UBA3: variants seen among roughly 807,000 people sequenced by gnomAD.
UBA3 encodes NEDD8-activating enzyme E1 catalytic subunit.
UBA3 carries 26 observed loss-of-function variants against 73.5 expected under a neutral mutation model. That is an observed-to-expected ratio of 0.35 (90% CI 0.26 to 0.49). UBA3 has a LOEUF of 0.49. Among genes scored for constraint, UBA3 ranks in the 20% least tolerant of loss-of-function variants. The probability of loss-of-function intolerance (pLI) is 0.98; values close to 1 mark genes in which losing one functional copy is unlikely to be tolerated. For missense variants in UBA3, 495 were observed against 555.6 expected (o/e 0.89, Z 1.10); for synonymous variants, 217 against 191.2 (o/e 1.13, Z -1.11).
chr3:69,076,756 TTTTC>T (rs1393720048), intron 3 of UBA3, among the ~76,000 whole-genome samples: 1 of 151,590 alleles, frequency 6.6e-6, no homozygotes, highest in East Asian at 1.9e-4. Context: ...TCTTTTCTTT[TTTTC>T]TTTCTTTTTT....
intron 2 of UBA3, 184 bp downstream of exon 2, chr3:69,079,928 T>C (rs938007720): frequency 2.7e-5 from 15 of 562,178 alleles, no homozygotes; most frequent in South Asian, 2.3e-5. Context: ...ACCGGGCAGA[T>C]ACCGGGAGCG....
At position 69,061,889 on chromosome 3, in the gene UBA3, G is replaced by C. The variant is rs777559572; in HGVS notation, c.835C>G (p.Gln279Glu). The C allele has an allele frequency of 6.8e-6, 11 of 1,609,528 alleles. No individual in the cohort carries two copies. The highest frequency in any genetic ancestry group is 8.5e-7 in the Non-Finnish European group (1 of 1,178,608). The change falls in exon 11 of 18, where the codon CAA (glutamine) becomes GAA (glutamate). Residue 279 changes from glutamine (Q) to glutamate (E), a missense_variant. Physicochemically the swap from Gln to Glu is conservative, Grantham distance 29 (BLOSUM62 2). Coordinates refer to ENST00000361055, the MANE Select transcript of UBA3 (RefSeq NM_003968.4). ...PLDGDDPEHI[Q>E]WIFQKSLERA... ...TCTAGGGATTTTTGGAAAATCCATT[G>C]TATATGTTCAGGATCATCTCCATCT...
intron 4 of UBA3, among the ~76,000 whole-genome samples, chr3:69,073,793 G>A (rs1009999233): frequency 5.3e-5 from 8 of 151,924 alleles, no homozygotes; most frequent in Non-Finnish European, 1.0e-4. Context: ...CTGCCACCAC[G>A]CCCGGCTAAT....
intron 6 of UBA3, among the ~76,000 whole-genome samples, chr3:69,065,804 T>C (rs770400845): frequency 2.6e-5 from 4 of 152,166 alleles, no homozygotes; most frequent in Non-Finnish European, 4.4e-5. Context: ...ATATGACCTT[T>C]TGAGACTGGC....
rs374972997 is a variant in UBA3, at chr3:69,060,196, C to T, written c.910+1618G>A. Among the ~76,000 whole-genome samples the T allele has an allele frequency of 4.6e-5, 7 of 151,702 alleles. No homozygotes were observed. In the East Asian group the frequency reaches 1.4e-3, roughly 29 times the overall value. On this transcript the variant is annotated intron_variant, in intron 11 of 17. Transcript: ENST00000361055. ...AACAGGTGAAATGAAGCTAGAAACACCAGGTAAGTTGGCAGAATACATATA... is the reference window on the plus strand; with the variant it reads ...AACAGGTGAAATGAAGCTAGAAACATCAGGTAAGTTGGCAGAATACATATA...
At chr3:69,078,280 C>CT (rs141508027) in intron 2 of UBA3, among the ~76,000 whole-genome samples, 1 of 152,266 alleles carries the variant, frequency 6.6e-6, no homozygotes, top group East Asian at 1.9e-4. Context: ...CTTCCTCAAT[C>CT]TGTTGTTTCA....
intron 11 of UBA3, among the ~76,000 whole-genome samples, chr3:69,059,023 A>AT (rs1490638080): frequency 6.6e-6 from 1 of 152,248 alleles, no homozygotes; most frequent in African/African-American, 2.4e-5. Flanking sequence ...CAATTAGCAA[A>AT]TATGTGTAAC....
At position 69,080,105 on chromosome 3, in the gene UBA3, C is replaced by T; in HGVS notation, c.62+7G>A. 6.2e-7 allele frequency: 1 copy of T among 1,608,712 alleles called. No homozygotes were observed. The highest frequency in any genetic ancestry group is 8.5e-7 in the Non-Finnish European group (1 of 1,178,650). ...GGAGAGGGCCCCGGCCTCCCGGCAG[C>T]ACTAACTTCTCAGCCAGCAGCTCCT... On this transcript the variant is annotated splice_region_variant and intron_variant, in intron 2 of 17. Transcript: ENST00000361055.
chr3:69,079,816 G>C, intron 2 of UBA3: 2 of 422,522 alleles, frequency 4.7e-6, no homozygotes, highest in Non-Finnish European at 8.3e-6. Context: ...TTGGGATGGA[G>C]GAAGAGGAGT....
intron 5 of UBA3, 66 bp downstream of exon 5, chr3:69,071,469 C>A: frequency 6.1e-6 from 5 of 820,408 alleles, no homozygotes; most frequent in Non-Finnish European, 7.6e-6. Flanking sequence ...TATTAAACTG[C>A]AATGTACAAG....
At chr3:69,075,333 T>A in intron 4 of UBA3, 97 bp downstream of exon 4, 1 of 508,138 alleles carries the variant, frequency 2.0e-6, no homozygotes, top group Non-Finnish European at 3.0e-6. Flanking sequence ...AGAGAAAAGG[T>A]TAAGAATCAC....
chr3:69,077,867 C>A lies in UBA3; in HGVS notation c.114G>T (p.Trp38Cys). 1 of 1,613,990 alleles carries A rather than the reference C, an allele frequency of 6.2e-7. No individual in the cohort carries two copies. Among genetic ancestry groups the A allele is most frequent in the East Asian group, 2.2e-5 (1 of 44,858 alleles). ...CGDTGDWEGR[W>C]NHVKKFLERS... is the part of the protein sequence containing the mutation. The stretch of plus-strand genomic sequence containing the variant: ...GCTCGAGGAACTTCTTTACATGGTT[C>A]CAGCGACCTTCCCAGTCTCCAGTGT... Residue 38 changes from tryptophan to cysteine, a missense_variant, in exon 3 of 18, where the codon TGG becomes TGT. Coordinates refer to ENST00000361055, the MANE Select transcript of UBA3 (RefSeq NM_003968.4).
rs1225690426 is a variant in UBA3 at position 69,055,924 on chromosome 3, T to G, written c.1249-19A>C. The stretch of plus-strand genomic sequence containing the variant: ...TTACCGACTAGAAAACAAAATTACT[T>G]TAATGTAAGACACATTAAAGTAAAA... On this transcript the variant is annotated intron_variant, in intron 16 of 17. Transcript: ENST00000361055. 1.2e-6 allele frequency: 2 copies of G among 1,609,466 alleles called. No homozygotes were observed. The highest frequency in any genetic ancestry group is 1.7e-6 in the Non-Finnish European group (2 of 1,177,786).
rs141978953 is a variant in UBA3, at chr3:69,064,084, G to A, written c.456C>T (p.Asn152=). Reference sequence around the variant, plus strand: ...AAAACTTACGTCGATAGAAAGTGTCGTTAAAATCTTGAATCTTGTTGAAAT... The same window carrying A: ...AAAACTTACGTCGATAGAAAGTGTCATTAAAATCTTGAATCTTGTTGAAAT... ...VPHFNKIQDF[N]DTFYRQFHII... The change falls in exon 7 of 18, where the codon AAC becomes AAT. Residue 152 remains asparagine, a synonymous_variant. Transcript: ENST00000361055. 1.9e-4 allele frequency: 307 copies of A among 1,602,442 alleles called. No homozygotes were observed. The highest frequency in any genetic ancestry group is 1.2e-3 in the Middle Eastern group (7 of 6,022).
chr3:69,077,769 G>A (rs779047001), intron 3 of UBA3, 29 bp downstream of exon 3: 8 of 1,591,660 alleles, frequency 5.0e-6, no homozygotes, highest in Non-Finnish European at 6.9e-6. Context: ...AACTATTAGA[G>A]CAGTTATTTA....
At chr3:69,072,634 T>C (rs894109410) in intron 4 of UBA3, among the ~76,000 whole-genome samples, 1 of 152,242 alleles carries the variant, frequency 6.6e-6, no homozygotes, top group African/African-American at 2.4e-5. Context: ...GTTTTCTTCC[T>C]ACTTTACTGG....
chr3:69,057,632 C>T (rs895291548), intron 11 of UBA3, among the ~76,000 whole-genome samples: 11 of 152,150 alleles, frequency 7.2e-5, no homozygotes, highest in Non-Finnish European at 1.5e-5. Flanking sequence ...ATTTTCACAA[C>T]ATCTTCATGT....
At position 69,054,981 on chromosome 3, in the gene UBA3, TGA is replaced by T. The variant is rs1322735725; in HGVS notation, c.*454_*455del. The T allele has an allele frequency of 6.6e-6, 1 of 152,382 alleles. No homozygotes were observed. The highest frequency in any genetic ancestry group is 1.5e-5 in the Non-Finnish European group (1 of 68,152). 9.4% of individuals were successfully genotyped at this position (152,382 alleles called of 1,614,324 possible). ...ATTCATTTGGATGGCCACAATTAAA[TGA>T]GTGTTATATCAAGAAATAGCCTATG... On this transcript the variant is annotated 3_prime_UTR_variant, in exon 18 of 18. Coordinates refer to ENST00000361055, the MANE Select transcript of UBA3 (RefSeq NM_003968.4).
intron 6 of UBA3, among the ~76,000 whole-genome samples, chr3:69,065,671 G>C (rs996925722): frequency 6.6e-6 from 1 of 152,134 alleles, no homozygotes; most frequent in African/African-American, 2.4e-5. Context: ...CAAACAACCA[G>C]GCTCAAGTGA....
Sources: gnomAD v4.1 joint callset for allele counts (sites outside exome capture counted in the v4.1 genomes callset) on GRCh38, gnomAD v4.1.1 for gene constraint, MANE v1.5 for transcripts, NCBI Gene and HGNC (gene_info 2026-07-23, HGNC 2026-07-21) for gene names.